CAMSAP1: variants seen among roughly 807,000 people sequenced by gnomAD.
CAMSAP1 encodes calmodulin regulated spectrin associated protein 1.
In CAMSAP1, 58 loss-of-function variants were observed where a neutral mutation model predicts 143.5. The ratio of observed to expected loss-of-function variants is 0.40; its 90% CI spans 0.33 to 0.50. The LOEUF (loss-of-function observed/expected upper bound fraction) is 0.50, where lower values mean the gene tolerates loss of function less well. Among genes scored for constraint, CAMSAP1 ranks in the 20% least tolerant of loss-of-function variants. CAMSAP1 has a pLI of 0.45. For missense variants in CAMSAP1, 1,969 were observed against 2,115.7 expected (o/e 0.93, Z 1.36); for synonymous variants, 945 against 859.3 (o/e 1.10, Z -1.74).
At chr9:135,853,869 C>G (rs1010284483) in intron 5 of CAMSAP1, among the ~76,000 whole-genome samples, 1 of 152,276 alleles carries the variant, frequency 6.6e-6, no homozygotes, top group Non-Finnish European at 1.5e-5. Flanking sequence ...CCAATCAAGT[C>G]CCTATGAGGC....
At chr9:135,817,887 G>C (rs1169859735) in intron 14 of CAMSAP1, 90 bp downstream of exon 14, 1 of 952,080 alleles carries the variant, frequency 1.1e-6, no homozygotes, top group Non-Finnish European at 1.6e-6. Flanking sequence ...AGTTACAAAA[G>C]CCTCTCTCAC....
intron 3 of CAMSAP1, among the ~76,000 whole-genome samples, chr9:135,875,038 T>A (rs903503650): frequency 1.3e-5 from 2 of 152,126 alleles, no homozygotes; most frequent in African/African-American, 4.8e-5. Flanking sequence ...CGGAGAGAGA[T>A]AAGCATGTCT....
Position 135,815,100 on chromosome 9 carries a change from C to A in CAMSAP1, c.4503G>T (p.Leu1501Phe). 6.2e-7 allele frequency: 1 copy of A among 1,604,316 alleles called. No individual in the cohort carries two copies. Among genetic ancestry groups the A allele is most frequent in the South Asian group, 1.1e-5 (1 of 90,572 alleles). Residue 1501 changes from leucine (L) to phenylalanine (F), a missense_variant, in exon 16 of 17, where the codon TTG becomes TTT. Leu to Phe is a conservative substitution (Grantham distance 22). Coordinates refer to ENST00000389532, the MANE Select transcript of CAMSAP1 (RefSeq NM_015447.4). ...KVNEPHKNSI[L>F]EELEKCDANH... ...GAGGTTGAAACATGATACTTGCCTC[C>A]AATATGGAATTCTTGTGGGGTTCGT...
Position 135,821,087 on chromosome 9 carries a change from A to C in CAMSAP1, c.3574T>G (p.Ser1192Ala). ...LSSSKDANILSEQMSLKEVLD... is the reference protein window; with the variant it reads ...LSSSKDANILAEQMSLKEVLD... ...ACTTCTTTGAGGCTCATCTGCTCCGAAAGAATGTTGGCATCTTTGGAAGAG... is the reference window on the plus strand; with the variant it reads ...ACTTCTTTGAGGCTCATCTGCTCCGCAAGAATGTTGGCATCTTTGGAAGAG... Residue 1192 changes from serine (S) to alanine (A), a missense_variant, in exon 11 of 17, where the codon TCG (serine) becomes GCG (alanine). By Grantham distance (99) the Ser-to-Ala change is moderately conservative. Around this residue, in one of 4 missense-constraint regions of CAMSAP1, gnomAD observed 1,390 missense variants for 1,420.8 expected, o/e 0.98. Coordinates refer to ENST00000389532, the MANE Select transcript of CAMSAP1 (RefSeq NM_015447.4). The surrounding 1 kb of genome is among the most constrained non-coding windows in gnomAD (Gnocchi z 4.6). The C allele has an allele frequency of 6.2e-7, 1 of 1,613,948 alleles. No homozygotes were observed. The highest frequency in any genetic ancestry group is 1.1e-5 in the South Asian group (1 of 91,086).
chr9:135,849,511 T>G (rs951792666), intron 7 of CAMSAP1, among the ~76,000 whole-genome samples: 7 of 152,164 alleles, frequency 4.6e-5, no homozygotes, highest in Admixed American at 4.6e-4. Context: ...TTCTTTTGCC[T>G]TTTTTTCCTG....
At chr9:135,842,526 C>T (rs1387777785) in intron 7 of CAMSAP1, among the ~76,000 whole-genome samples, 6 of 152,092 alleles carry the variant, frequency 3.9e-5, no homozygotes, top group Non-Finnish European at 4.4e-5. Context: ...AGAGCAACCC[C>T]AAGACGCAAT....
At chr9:135,847,955 A>AAGGGGAAGGGGAGGGGGAGGGGGG (rs1836635097) in intron 7 of CAMSAP1, among the ~76,000 whole-genome samples, 14 of 15,410 alleles carry the variant, frequency 9.1e-4, no homozygotes, top group Non-Finnish European at 1.3e-3. Context: ...GTGGGGGGGG[A>AAGGGGAAGGGGAGGGGGAGGGGGG]GGGGGAGGAG....
chr9:135,866,081 C>G (rs1837370220), intron 4 of CAMSAP1, among the ~76,000 whole-genome samples: 1 of 152,224 alleles, frequency 6.6e-6, no homozygotes, highest in Non-Finnish European at 1.5e-5. Flanking sequence ...CTACGCTGTA[C>G]CTCATGAGCC....
chr9:135,809,946 AAATTT>A lies in CAMSAP1; in HGVS notation c.*1358_*1362del, dbSNP rs1280356502. 6.6e-6 allele frequency: 1 copy of A among 152,644 alleles called. No homozygotes were observed. The highest frequency in any genetic ancestry group is 2.4e-5 in the African/African-American group (1 of 41,440). The allele number at this position is 152,644 out of a possible 1,614,324, so 9.5% of individuals were successfully genotyped here. On this transcript the variant is annotated 3_prime_UTR_variant, in exon 17 of 17. Coordinates refer to ENST00000389532, the MANE Select transcript of CAMSAP1 (RefSeq NM_015447.4). ...GTCTATCTAAAATTATGTAACAGTT[AAATTT>A]GTCTCTTTTTCTCCCAATTATTGAT...
intron 16 of CAMSAP1, among the ~76,000 whole-genome samples, chr9:135,814,488 C>T (rs1835158083): frequency 6.6e-6 from 1 of 152,212 alleles, no homozygotes; most frequent in Non-Finnish European, 1.5e-5. Context: ...CCAGTCCTGC[C>T]CCTCAGGGGC....
chr9:135,821,721 G>C lies in CAMSAP1; in HGVS notation c.2940C>G (p.Ala980=), dbSNP rs776619163. Residue 980 remains alanine, a synonymous_variant, in exon 11 of 17, where the codon GCC becomes GCG. Coordinates refer to ENST00000389532, the MANE Select transcript of CAMSAP1 (RefSeq NM_015447.4). The surrounding 1 kb of genome is among the most constrained non-coding windows in gnomAD (Gnocchi z 4.6). ...CTTTTGCTTTATGTTGCTGAGCAAAGGCCAGGCTCTCTTTGTCCACATCCT... is the reference window on the plus strand; with the variant it reads ...CTTTTGCTTTATGTTGCTGAGCAAACGCCAGGCTCTCTTTGTCCACATCCT... ...EPQDVDKESL[A]FAQQHKAKDP... 9 of 1,613,908 alleles carry C rather than the reference G, an allele frequency of 5.6e-6. No homozygotes were observed. The African/African-American group carries it at 9.3e-5, about 17-fold the overall frequency.
At chr9:135,876,796 G>C (rs1256163880) in intron 3 of CAMSAP1, among the ~76,000 whole-genome samples, 1 of 152,096 alleles carries the variant, frequency 6.6e-6, no homozygotes, top group Non-Finnish European at 1.5e-5. Flanking sequence ...ATCATCTGAG[G>C]TCAGGAGTTC....
At chr9:135,833,139 T>G (rs1179193968) in intron 7 of CAMSAP1, among the ~76,000 whole-genome samples, 1 of 146,592 alleles carries the variant, frequency 6.8e-6, no homozygotes, top group African/African-American at 2.5e-5. Flanking sequence ...TGGAGTGCAG[T>G]GGCGCGATCT....
intron 1 of CAMSAP1, among the ~76,000 whole-genome samples, chr9:135,901,292 C>G (rs1203350244): frequency 6.6e-6 from 1 of 152,130 alleles, no homozygotes; most frequent in Non-Finnish European, 1.5e-5. Context: ...CCTCTGCCGA[C>G]AGACAGGCAA....
intron 3 of CAMSAP1, among the ~76,000 whole-genome samples, chr9:135,873,291 T>C (rs1165509820): frequency 6.6e-6 from 1 of 152,086 alleles, no homozygotes; most frequent in East Asian, 1.9e-4. Flanking sequence ...ATGAAAGACA[T>C]GGCCTATAAA....
intron 1 of CAMSAP1, among the ~76,000 whole-genome samples, chr9:135,905,080 T>C (rs1838735760): frequency 6.6e-6 from 1 of 152,214 alleles, no homozygotes; most frequent in African/African-American, 2.4e-5. Flanking sequence ...TGGTGTCCAG[T>C]CTTCTCCAGC....
intron 7 of CAMSAP1, among the ~76,000 whole-genome samples, chr9:135,841,136 G>A (rs1220461401): frequency 2.0e-5 from 3 of 152,156 alleles, no homozygotes; most frequent in Non-Finnish European, 2.9e-5. Context: ...GTCTGAAGTC[G>A]ACCTGGGGTG....
chr9:135,866,089 G>T (rs2130942725), intron 4 of CAMSAP1, among the ~76,000 whole-genome samples: 1 of 152,336 alleles, frequency 6.6e-6, no homozygotes, highest in East Asian at 1.9e-4. Flanking sequence ...TACCTCATGA[G>T]CCACTTAAGG....
intron 3 of CAMSAP1, among the ~76,000 whole-genome samples, chr9:135,872,236 A>T (rs1360641286): frequency 6.6e-6 from 1 of 152,262 alleles, no homozygotes; most frequent in Non-Finnish European, 1.5e-5. Flanking sequence ...TAAATACTTT[A>T]AAAGATAAAA....
Sources: allele counts gnomAD v4.1 joint callset (sites outside exome capture counted in the v4.1 genomes callset), GRCh38; gene constraint gnomAD v4.1.1; regional missense constraint gnomAD v4.1.1; non-coding constraint Gnocchi (gnomAD v3.1); transcripts MANE v1.5; gene names NCBI Gene and HGNC (gene_info 2026-07-23, HGNC 2026-07-21).